The following FHIT variants were observed in gnomAD, a reference collection of about 807,000 sequenced individuals.
The protein encoded by FHIT is bis(5'-adenosyl)-triphosphatase.
FHIT carries 19 observed loss-of-function variants against 17.9 expected under a neutral mutation model. The observed-to-expected ratio is 1.06, with a 90% CI of 0.74 to 1.56. The LOEUF (loss-of-function observed/expected upper bound fraction) is 1.56, where lower values mean the gene tolerates loss of function less well. FHIT is among the 40% of genes most tolerant of loss of function. The probability of loss-of-function intolerance (pLI) is 0.00; values close to 1 mark genes in which losing one functional copy is unlikely to be tolerated. For missense variants in FHIT, 248 were observed against 189.2 expected (o/e 1.31, Z -1.82); for synonymous variants, 81 against 69.7 (o/e 1.16, Z -0.81).
At chr3:60,029,229 G>A (rs530365718) in intron 5 of FHIT, among the ~76,000 whole-genome samples, 12 of 152,234 alleles carry the variant, frequency 7.9e-5, no homozygotes, top group Admixed American at 2.6e-4. Flanking sequence ...ACAGTCATAC[G>A]TTTTCCCATT....
chr3:60,348,862 G>A (rs963881345), intron 5 of FHIT, among the ~76,000 whole-genome samples: 25 of 152,166 alleles, frequency 1.6e-4, no homozygotes, highest in South Asian at 2.1e-4. Context: ...GCCTGCTGGC[G>A]GATACAAAAT....
intron 5 of FHIT, among the ~76,000 whole-genome samples, chr3:60,534,464 GA>G (rs1338313569): frequency 8.0e-5 from 3 of 37,564 alleles, no homozygotes; most frequent in African/African-American, 1.1e-4. Context: ...AAAAAAAAAA[GA>G]TGCGTCTCCC....
chr3:60,819,237 T>A (rs1701845607), intron 4 of FHIT, among the ~76,000 whole-genome samples: 1 of 152,148 alleles, frequency 6.6e-6, no homozygotes, highest in Non-Finnish European at 1.5e-5. Context: ...ACATTTGAGT[T>A]TGGTTTTAAG....
At chr3:60,662,405 A>G (rs1553691368) in intron 4 of FHIT, among the ~76,000 whole-genome samples, 1 of 152,044 alleles carries the variant, frequency 6.6e-6, no homozygotes, top group African/African-American at 2.4e-5. Context: ...CTCCGTGCCT[A>G]TGTTTATACC....
intron 1 of FHIT, among the ~76,000 whole-genome samples, chr3:61,211,832 C>T (rs2039486878): frequency 6.6e-6 from 1 of 152,138 alleles, no homozygotes; most frequent in Admixed American, 6.5e-5. Flanking sequence ...GATCAGACAG[C>T]AGCATTCGCG....
At chr3:59,920,403 A>G (rs1405604304) in intron 8 of FHIT, among the ~76,000 whole-genome samples, 7 of 152,140 alleles carry the variant, frequency 4.6e-5, no homozygotes, top group African/African-American at 1.7e-4. Flanking sequence ...ATCCTCCAAA[A>G]TGTGGGAAGT....
intron 7 of FHIT, among the ~76,000 whole-genome samples, chr3:59,942,194 T>C (rs180780478): frequency 1.3e-5 from 2 of 152,222 alleles, no homozygotes; most frequent in Admixed American, 1.3e-4. Flanking sequence ...TCACCGTATC[T>C]TGCTCTCTGG....
intron 2 of FHIT, among the ~76,000 whole-genome samples, chr3:61,123,261 A>G (rs149581051): frequency 0.016 from 2,419 of 152,284 alleles, 68 homozygotes; most frequent in African/African-American, 0.055. Flanking sequence ...ACAGAAAACC[A>G]AACACTGCAA....
chr3:61,176,726 G>C (rs2038166953), intron 2 of FHIT, among the ~76,000 whole-genome samples: 1 of 152,208 alleles, frequency 6.6e-6, no homozygotes, highest in Admixed American at 6.5e-5. Context: ...CAAAGAGACA[G>C]AGAAGAACTG....
At chr3:59,928,323 T>C (rs536463193) in intron 7 of FHIT, among the ~76,000 whole-genome samples, 6 of 152,308 alleles carry the variant, frequency 3.9e-5, no homozygotes, top group East Asian at 1.9e-4. Context: ...GACCTTAAGA[T>C]TGGCAGAGGT....
At chr3:60,092,445 G>A (rs1703772696) in intron 5 of FHIT, among the ~76,000 whole-genome samples, 1 of 152,146 alleles carries the variant, frequency 6.6e-6, no homozygotes, top group African/African-American at 2.4e-5. Flanking sequence ...GTACTTTAGA[G>A]GTAATGTAAG....
At chr3:60,267,122 T>C (rs548620862) in intron 5 of FHIT, among the ~76,000 whole-genome samples, 1 of 152,156 alleles carries the variant, frequency 6.6e-6, no homozygotes, top group East Asian at 1.9e-4. Flanking sequence ...TTATGTTCTC[T>C]GCTTCCATAG....
chr3:60,543,456 C>A (rs1490112691), intron 4 of FHIT, among the ~76,000 whole-genome samples: 1 of 152,084 alleles, frequency 6.6e-6, no homozygotes, highest in African/African-American at 2.4e-5. Context: ...AAATATTCAA[C>A]GAAGCCATTT....
At chr3:60,145,974 A>G (rs1434832211) in intron 5 of FHIT, among the ~76,000 whole-genome samples, 3 of 152,200 alleles carry the variant, frequency 2.0e-5, no homozygotes, top group East Asian at 1.9e-4. Flanking sequence ...ATTTTTTAAC[A>G]TGCAACAGGG....
intron 3 of FHIT, among the ~76,000 whole-genome samples, chr3:60,970,483 C>A (rs530450967): frequency 6.6e-6 from 1 of 151,888 alleles, no homozygotes; most frequent in South Asian, 2.1e-4. Flanking sequence ...TATTTATATT[C>A]TTATCACTAT....
chr3:60,246,288 G>A (rs1237823306), intron 5 of FHIT, among the ~76,000 whole-genome samples: 1 of 152,044 alleles, frequency 6.6e-6, no homozygotes, highest in Non-Finnish European at 1.5e-5. Context: ...CTTTGAAGGA[G>A]GAAAACCAAA....
intron 4 of FHIT, among the ~76,000 whole-genome samples, chr3:60,559,273 A>AAAT (rs2036848733): frequency 6.6e-6 from 1 of 152,230 alleles, no homozygotes; most frequent in Non-Finnish European, 1.5e-5. Flanking sequence ...CCCTAGAGGC[A>AAAT]TGCATTTCTA....
intron 5 of FHIT, among the ~76,000 whole-genome samples, chr3:60,055,971 A>G (rs540413755): frequency 6.6e-6 from 1 of 152,318 alleles, no homozygotes; most frequent in South Asian, 2.1e-4. Flanking sequence ...GTGAAATACC[A>G]GCTTTAAGTT....
intron 5 of FHIT, among the ~76,000 whole-genome samples, chr3:60,077,791 A>T (rs569195212): frequency 6.6e-6 from 1 of 151,652 alleles, no homozygotes; most frequent in African/African-American, 2.4e-5. Context: ...CTAGAGATCT[A>T]ATATACAATA....
Sources: allele counts gnomAD v4.1 joint callset (sites outside exome capture counted in the v4.1 genomes callset), GRCh38; gene constraint gnomAD v4.1.1; transcripts MANE v1.5; gene names NCBI Gene and HGNC (gene_info 2026-07-23, HGNC 2026-07-21).